The following TM9SF4 variants were observed in gnomAD, a reference collection of about 807,000 sequenced individuals.
TM9SF4 encodes transmembrane 9 superfamily member 4.
A neutral mutation model predicts 90.4 loss-of-function variants in TM9SF4; 26 were observed. The ratio of observed to expected loss-of-function variants is 0.29; its 90% CI spans 0.21 to 0.40. TM9SF4 has a LOEUF of 0.40. Among genes scored for constraint, TM9SF4 ranks in the 10% least tolerant of loss-of-function variants. The probability of loss-of-function intolerance (pLI) is 1.00; values close to 1 mark genes in which losing one functional copy is unlikely to be tolerated. For synonymous variants in TM9SF4, 293 were observed against 315.4 expected, an observed-to-expected ratio of 0.93 and a Z score of 0.75; for missense variants, 549 against 834.8, an observed-to-expected ratio of 0.66 and a Z score of 4.22.
chr20:32,136,622 G>C (rs2046597788), intron 3 of TM9SF4, among the ~76,000 whole-genome samples: 1 of 152,234 alleles, frequency 6.6e-6, no homozygotes, highest in Admixed American at 6.5e-5. Flanking sequence ...TTCTTGCTGA[G>C]CTCTGCAGGA....
At chr20:32,127,022 C>G (rs1365236296) in intron 1 of TM9SF4, among the ~76,000 whole-genome samples, 1 of 152,198 alleles carries the variant, frequency 6.6e-6, no homozygotes, top group Non-Finnish European at 1.5e-5. Context: ...GCACGAGCCA[C>G]CGCACCCAGC....
chr20:32,157,643 G>A, intron 13 of TM9SF4, 151 bp from the exon 14 acceptor site: 1 of 1,018,596 alleles, frequency 9.8e-7, no homozygotes, highest in South Asian at 1.6e-5. Context: ...AAGAGATTCT[G>A]GCCAGGAGCC....
At chr20:32,112,128 T>A (rs776036834) in intron 1 of TM9SF4, among the ~76,000 whole-genome samples, 7 of 152,160 alleles carry the variant, frequency 4.6e-5, no homozygotes, top group Non-Finnish European at 7.4e-5. Flanking sequence ...CAGTGATTTT[T>A]GCCCAGCACA....
chr20:32,149,876 C>T, intron 10 of TM9SF4, 110 bp downstream of exon 10: 1 of 1,455,200 alleles, frequency 6.9e-7, no homozygotes, highest in East Asian at 2.3e-5. Context: ...AAGCTCCTGG[C>T]ACCAAGTGGG....
chr20:32,138,837 T>C (rs1327744210), intron 3 of TM9SF4, among the ~76,000 whole-genome samples: 4 of 152,312 alleles, frequency 2.6e-5, no homozygotes, highest in East Asian at 1.9e-4. Flanking sequence ...GGAGATGAAA[T>C]AGGCAGTAGG....
intron 1 of TM9SF4, among the ~76,000 whole-genome samples, chr20:32,113,406 C>T (rs1242291401): frequency 6.6e-6 from 1 of 152,122 alleles, no homozygotes; most frequent in African/African-American, 2.4e-5. Context: ...TTCTTCCATC[C>T]TTAGATTTAG....
intron 1 of TM9SF4, among the ~76,000 whole-genome samples, chr20:32,114,895 C>T (rs2046197719): frequency 1.3e-5 from 2 of 152,180 alleles, no homozygotes; most frequent in African/African-American, 4.8e-5. Context: ...AGTCTGTTTT[C>T]CACATATGTC....
chr20:32,147,169 A>G (rs2046775526), intron 9 of TM9SF4, among the ~76,000 whole-genome samples: 1 of 151,732 alleles, frequency 6.6e-6, no homozygotes, highest in Non-Finnish European at 1.5e-5. Context: ...TTTAGTAGAA[A>G]CGGGGTTTGC....
chr20:32,158,578 G>C, intron 15 of TM9SF4, 64 bp downstream of exon 15: 1 of 1,552,186 alleles, frequency 6.4e-7, no homozygotes, highest in South Asian at 1.1e-5. Flanking sequence ...ACTCCACTCG[G>C]GTGCTCTGCT....
In TM9SF4 at chr20:32,146,862, G is replaced by A. The variant is rs1332238555; in HGVS notation, c.954+7G>A. 1.2e-6 allele frequency: 2 copies of A among 1,613,336 alleles called. No individual in the cohort carries two copies. Among genetic ancestry groups the A allele is most frequent in the Non-Finnish European group, 1.7e-6 (2 of 1,179,716 alleles). ...CAACAAGGAGGATGACATTGTACGA[G>A]GTCTTGGCTGGGGAGGGATGAAGTT... On this transcript the variant is annotated splice_region_variant and intron_variant, in intron 9 of 17. Coordinates refer to ENST00000398022, the MANE Select transcript of TM9SF4 (RefSeq NM_014742.4).
At chr20:32,142,916 G>T (rs927473525) in intron 5 of TM9SF4, 66 bp from the exon 6 acceptor site, 6 of 1,589,120 alleles carry the variant, frequency 3.8e-6, no homozygotes, top group South Asian at 1.1e-5. Flanking sequence ...TGAGGCAAGG[G>T]CCCTAATACC....
Position 32,159,942 on chromosome 20 carries a change from A to G in TM9SF4, c.1570-50A>G, listed in dbSNP as rs747498262. On this transcript the variant is annotated intron_variant, in intron 15 of 17. Transcript: ENST00000398022. ...TTGTGACAGGTTGGTGTGCCAGGGGAAGGGGAGCAGGGTGGTCAAGCCAGC... is the reference window on the plus strand; with the variant it reads ...TTGTGACAGGTTGGTGTGCCAGGGGGAGGGGAGCAGGGTGGTCAAGCCAGC... 26 of 1,612,030 alleles carry G rather than the reference A, an allele frequency of 1.6e-5. 1 individual carries two copies. The South Asian group carries it at 2.8e-4, about 17-fold the overall frequency.
At chr20:32,139,932 A>T (rs1337436622) in intron 3 of TM9SF4, among the ~76,000 whole-genome samples, 1 of 152,228 alleles carries the variant, frequency 6.6e-6, no homozygotes, top group Non-Finnish European at 1.5e-5. Flanking sequence ...AAGCTGTCCT[A>T]GACCCACTCC....
chr20:32,158,016 A>G, intron 14 of TM9SF4, 47 bp downstream of exon 14: 1 of 1,604,094 alleles, frequency 6.2e-7, no homozygotes, highest in Admixed American at 1.7e-5. Context: ...GGAAGAGGGT[A>G]CGCCCCCCTC....
chr20:32,164,857 G>A (rs2047077256), intron 17 of TM9SF4, among the ~76,000 whole-genome samples: 1 of 152,202 alleles, frequency 6.6e-6, no homozygotes, highest in South Asian at 2.1e-4. Flanking sequence ...GCTAACAAAA[G>A]TGACAAGCAT....
intron 17 of TM9SF4, among the ~76,000 whole-genome samples, chr20:32,162,547 A>G (rs2047032442): frequency 6.6e-6 from 1 of 152,240 alleles, no homozygotes; most frequent in Admixed American, 6.5e-5. Flanking sequence ...TAGTTGCGAC[A>G]GGGACCATAT....
intron 1 of TM9SF4, among the ~76,000 whole-genome samples, chr20:32,113,133 G>A (rs1389658711): frequency 1.3e-5 from 2 of 152,204 alleles, no homozygotes; most frequent in Non-Finnish European, 2.9e-5. Flanking sequence ...AACTGAACTA[G>A]TGGATCCAGT....
At chr20:32,130,995 TTAAAAA>T (rs1424845279) in intron 1 of TM9SF4, among the ~76,000 whole-genome samples, 2 of 152,220 alleles carry the variant, frequency 1.3e-5, no homozygotes, top group East Asian at 1.9e-4. Context: ...CTAAATTTAC[TTAAAAA>T]TAAAAAGTTC....
intron 1 of TM9SF4, among the ~76,000 whole-genome samples, chr20:32,129,212 G>A (rs982872516): frequency 2.6e-5 from 4 of 152,020 alleles, no homozygotes; most frequent in African/African-American, 9.7e-5. Context: ...GAAATGTATC[G>A]GCCAGGTGCA....
Sources: allele counts gnomAD v4.1 joint callset (sites outside exome capture counted in the v4.1 genomes callset), GRCh38; gene constraint gnomAD v4.1.1; transcripts MANE v1.5; gene names NCBI Gene and HGNC (gene_info 2026-07-23, HGNC 2026-07-21).